The following HK3 variants were observed in gnomAD, a reference collection of about 807,000 sequenced individuals.
HK3 encodes the protein hexokinase-3.
Under a neutral mutation model 91.0 loss-of-function variants are expected in HK3, and 93 were observed. That is an observed-to-expected ratio of 1.02 (90% CI 0.86 to 1.21). The LOEUF is 1.21. Ranked by LOEUF, HK3 falls within the 50% of genes most tolerant of loss-of-function variation. The pLI is 0.00. For missense variants in HK3, 1,235 were observed against 1,247.4 expected (o/e 0.99, Z 0.15); for synonymous variants, 519 against 516.9 (o/e 1.00, Z -0.06).
At position 176,887,613 on chromosome 5, in the gene HK3, G is replaced by T. The variant is rs376532514; in HGVS notation, c.1438C>A (p.Arg480=). The T allele has an allele frequency of 2.5e-6, 4 of 1,613,738 alleles. No individual in the cohort carries two copies. The highest frequency in any genetic ancestry group is 3.4e-6 in the Non-Finnish European group (4 of 1,179,980). The change falls in exon 11 of 19, where the codon CGG becomes AGG. Residue 480 remains arginine (R), a synonymous_variant. Coordinates refer to ENST00000292432, the MANE Select transcript of HK3 (RefSeq NM_002115.3). This position sits in a 1 kb window ranked among gnomAD's most constrained non-coding sequence, Gnocchi z 4.9. ...GCCAGGGTCTCCTCCAGCAGGCGCC[G>T]GTGGGCAGCCAGACGGGCAGCCACG... ...TAVAARLAAH[R]RLLEETLAPF...
Position 176,882,035 on chromosome 5 carries a change from C to T in HK3, c.2146G>A (p.Gly716Ser), listed in dbSNP as rs1213460443. The T allele has an allele frequency of 6.2e-7, 1 of 1,613,222 alleles. No homozygotes were observed. The highest frequency in any genetic ancestry group is 1.1e-5 in the South Asian group (1 of 91,082). Residue 716 changes from glycine (G) to serine (S), a missense_variant, in exon 16 of 19, where the codon GGC becomes AGC. Around this residue, in one of 3 missense-constraint regions of HK3, gnomAD observed 513 missense variants for 477.4 expected, o/e 1.07. Transcript: ENST00000292432. The stretch of plus-strand genomic sequence containing the variant: ...AGAGAGCCATCGTCCCCAAAGGCGC[C>T]CCACTCCATGTTGATGCACATGCGG... ...SGRMCINMEW[G>S]AFGDDGSLAM...
At position 176,887,727 on chromosome 5, in the gene HK3, C is replaced by A. The variant is rs116172743; in HGVS notation, c.1324G>T (p.Gly442Trp). The change falls in exon 11 of 19, where the codon GGG (glycine) becomes TGG (tryptophan). Residue 442 changes from glycine (G) to tryptophan (W), a missense_variant. Gly to Trp is a radical substitution (Grantham distance 184). Transcript: ENST00000292432. The surrounding 1 kb of genome is among the most constrained non-coding windows in gnomAD (Gnocchi z 4.9). ...TCCGGGGCCAGGAGCATCACTGTCCCCTGCAGGACGCTGCAGAACCTACAG... is the reference window on the plus strand; with the variant it reads ...TCCGGGGCCAGGAGCATCACTGTCCACTGCAGGACGCTGCAGAACCTACAG... ...RHPRFCSVLQGTVMLLAPECD... is the reference protein window; with the variant it reads ...RHPRFCSVLQWTVMLLAPECD... The A allele has an allele frequency of 8.0e-4, 1,290 of 1,610,100 alleles. 14 individuals carry two copies. The African/African-American group carries it at 0.014, about 18-fold the overall frequency.
Position 176,881,844 on chromosome 5 carries a change from A to G in HK3, c.2241T>C (p.Phe747=), listed in dbSNP as rs765086288. The part of the protein sequence containing the change: ...QASINPGKQR[F]EKMISGMYLG... ...GGTACATGCCGCTGATCATCTTTTCAAACCTGCATGAACATGTGTGCACTC... is the reference window on the plus strand; with the variant it reads ...GGTACATGCCGCTGATCATCTTTTCGAACCTGCATGAACATGTGTGCACTC... The change falls in exon 17 of 19, where the codon TTT becomes TTC. Residue 747 remains phenylalanine (F), a synonymous_variant. Coordinates refer to ENST00000292432, the MANE Select transcript of HK3 (RefSeq NM_002115.3). 1.2e-5 allele frequency: 20 copies of G among 1,612,490 alleles called. No homozygotes were observed. The highest frequency in any genetic ancestry group is 5.4e-5 in the African/African-American group (4 of 74,652).
At position 176,890,835 on chromosome 5, in the gene HK3, G is replaced by A. The variant is rs141123858; in HGVS notation, c.521C>T (p.Thr174Met). 6,427 of 1,614,132 alleles carry A rather than the reference G, an allele frequency of 4.0e-3. 14 individuals carry two copies. Among genetic ancestry groups the A allele is most frequent in the Non-Finnish European group, 5.1e-3 (6,022 of 1,180,030 alleles). Residue 174 changes from threonine to methionine, a missense_variant, in exon 5 of 19, where the codon ACG (threonine) becomes ATG (methionine). By Grantham distance (81) the Thr-to-Met change is moderately conservative. Coordinates refer to ENST00000292432, the MANE Select transcript of HK3 (RefSeq NM_002115.3). Reference protein sequence around the residue: ...GFSFSFPCHQTGLDRSTLISW... With the variant: ...GFSFSFPCHQMGLDRSTLISW... ...ACTCCACCTCACCCTGTCCAAGCCC[G>A]TCTGGTGACAAGGGAAAGAGAAGCT...
intron 17 of HK3, 22 bp downstream of exon 17, chr5:176,881,670 A>C: frequency 6.2e-7 from 1 of 1,613,112 alleles, no homozygotes; most frequent in South Asian, 1.1e-5. Flanking sequence ...GAAGTGGGGG[A>C]GGCAATGTAG....
chr5:176,896,201 G>T lies in HK3; in HGVS notation c.-26-16C>A. ...AGGTGGCCACCTATGGGAGAAAAGG[G>T]ACAACCTGGGTCAACCATTTACTCT... On this transcript the variant is annotated splice_polypyrimidine_tract_variant and intron_variant, in intron 1 of 18. Transcript: ENST00000292432. 6.9e-7 allele frequency: 1 copy of T among 1,458,720 alleles called. No homozygotes were observed. Among genetic ancestry groups the T allele is most frequent in the South Asian group, 1.3e-5 (1 of 79,208 alleles). The allele number at this position is 1,458,720 out of a possible 1,614,324, so 90.4% of individuals were successfully genotyped here. A position where few individuals can be genotyped will look rare whatever the true frequency, so the allele number is the denominator to read the frequency against.
rs142705083 is a variant in HK3 at position 176,888,726 on chromosome 5, G to T, written c.1053C>A (p.His351Gln). 3.1e-6 allele frequency: 5 copies of T among 1,614,092 alleles called. No individual in the cohort carries two copies. Among genetic ancestry groups the T allele is most frequent in the Non-Finnish European group, 4.2e-6 (5 of 1,180,046 alleles). ...LLSQGSILLE[H>Q]VAEMEDPSTG... is the part of the protein sequence containing the mutation. ...CGACTCACTCCTCCATCTCAGCCAC[G>T]TGTTCCAGGAGGATGCTGCCTTGGC... The change falls in exon 9 of 19, where the codon CAC becomes CAA. Residue 351 changes from histidine (H) to glutamine (Q), a missense_variant. Transcript: ENST00000292432.
At position 176,887,072 on chromosome 5, in the gene HK3, C is replaced by G. The variant is rs775718838; in HGVS notation, c.1787G>C (p.Gly596Ala). ...CAGTGGGAGGCTCTGCCCGCTCAGGCCCTGCTTCTGCTGGAAGTCCACGAT... is the reference window on the plus strand; with the variant it reads ...CAGTGGGAGGCTCTGCCCGCTCAGGGCCTGCTTCTGCTGGAAGTCCACGAT... ...DCIVDFQQKQ[G>A]LSGQSLPLGF... The change falls in exon 13 of 19, where the codon GGC (glycine) becomes GCC (alanine). Residue 596 changes from glycine (G) to alanine (A), a missense_variant. Gly to Ala is a moderately conservative substitution (Grantham distance 60). Around this residue, in one of 3 missense-constraint regions of HK3, gnomAD observed 513 missense variants for 477.4 expected, o/e 1.07. Coordinates refer to ENST00000292432, the MANE Select transcript of HK3 (RefSeq NM_002115.3). This position sits in a 1 kb window ranked among gnomAD's most constrained non-coding sequence, Gnocchi z 4.9. The G allele has an allele frequency of 2.5e-6, 4 of 1,614,108 alleles. No individual in the cohort carries two copies. In the East Asian group the frequency reaches 8.9e-5, roughly 36 times the overall value.
At chr5:176,892,134 T>C (rs1342668136) in intron 2 of HK3, among the ~76,000 whole-genome samples, 4 of 152,028 alleles carry the variant, frequency 2.6e-5, no homozygotes, top group Non-Finnish European at 5.9e-5. Flanking sequence ...CGCACACACA[T>C]AACCACCCAA....
chr5:176,884,868 G>T lies in HK3; in HGVS notation c.1858-734C>A, dbSNP rs1359719442. The stretch of plus-strand genomic sequence containing the variant: ...CTCAGAGGAGGAGCATGGAGGGTAG[G>T]TCAGGAAATCTTTGGGGCAGAAGAT... On this transcript the variant is annotated intron_variant, in intron 13 of 18. Coordinates refer to ENST00000292432, the MANE Select transcript of HK3 (RefSeq NM_002115.3). The surrounding 1 kb of genome is among the most constrained non-coding windows in gnomAD (Gnocchi z 4.1). Among the ~76,000 whole-genome samples the T allele has an allele frequency of 6.6e-6, 1 of 152,220 alleles. No homozygotes were observed. Among genetic ancestry groups the T allele is most frequent in the Non-Finnish European group, 1.5e-5 (1 of 68,040 alleles).
In HK3 at chr5:176,881,750, T is replaced by G. The variant is rs747149740; in HGVS notation, c.2335A>C (p.Ile779Leu). 6.2e-7 allele frequency: 1 copy of G among 1,614,154 alleles called. No individual in the cohort carries two copies. The highest frequency in any genetic ancestry group is 1.1e-5 in the South Asian group (1 of 91,090). The stretch of plus-strand genomic sequence containing the variant: ...ATGTCCCTGGTCTGAAGGCGCTGGA[T>G]CTGCTGGCCCCGGAAGAGAACGCCA... ...SLGVLFRGQQ[I>L]QRLQTRDIFK... Residue 779 changes from isoleucine to leucine, a missense_variant, in exon 17 of 19, where the codon ATC (isoleucine) becomes CTC (leucine). By Grantham distance (5) the Ile-to-Leu change is conservative. Transcript: ENST00000292432.
Position 176,896,131 on chromosome 5 carries a change from C to A in HK3, c.29G>T (p.Arg10Leu). 1.2e-6 allele frequency: 2 copies of A among 1,612,216 alleles called. No homozygotes were observed. The highest frequency in any genetic ancestry group is 2.2e-5 in the East Asian group (1 of 44,846). Residue 10 changes from arginine (R) to leucine (L), a missense_variant, in exon 2 of 19, where the codon CGG becomes CTG. Physicochemically the swap from Arg to Leu is moderately radical, Grantham distance 102. Around this residue, in one of 3 missense-constraint regions of HK3, gnomAD observed 717 missense variants for 751.6 expected, o/e 0.95. Transcript: ENST00000292432. MDSIGSSGL[R>L]QGEETLSCSE... ...GCAACTCAGGGTTTCTTCCCCCTGC[C>A]GCAACCCTGAAGACCCAATGGAGTC...
intron 15 of HK3, among the ~76,000 whole-genome samples, chr5:176,883,393 T>A (rs1758495767): frequency 6.6e-6 from 1 of 152,170 alleles, no homozygotes; most frequent in Non-Finnish European, 1.5e-5. Context: ...TCATGATGCC[T>A]TGAGACAGGC....
Position 176,887,166 on chromosome 5 carries a change from C to T in HK3, c.1737+35G>A. On this transcript the variant is annotated intron_variant, in intron 12 of 18. Transcript: ENST00000292432. This position sits in a 1 kb window ranked among gnomAD's most constrained non-coding sequence, Gnocchi z 4.9. ...AGGCGTAGGCACTGCTCAGCCCTTC[C>T]CCACCTCTGACATCAAGGTTCAGGC... 5 of 1,614,182 alleles carry T rather than the reference C, an allele frequency of 3.1e-6. No homozygotes were observed. Among genetic ancestry groups the T allele is most frequent in the Non-Finnish European group, 4.2e-6 (5 of 1,180,030 alleles).
chr5:176,897,059 T>A (rs1286444769), intron 1 of HK3, among the ~76,000 whole-genome samples: 1 of 152,126 alleles, frequency 6.6e-6, no homozygotes, highest in Non-Finnish European at 1.5e-5. Flanking sequence ...GCTTTTCATC[T>A]GTGAAATGGG....
chr5:176,881,138 A>T lies in HK3; in HGVS notation c.2707T>A (p.Ser903Thr). 6.2e-7 allele frequency: 1 copy of T among 1,612,972 alleles called. No homozygotes were observed. Among genetic ancestry groups the T allele is most frequent in the Non-Finnish European group, 8.5e-7 (1 of 1,179,888 alleles). Reference protein sequence around the residue: ...VVTFLQSEDGSGKGAALVTAV... With the variant: ...VVTFLQSEDGTGKGAALVTAV... The stretch of plus-strand genomic sequence containing the variant: ...GTGACCAGGGCCGCACCTTTGCCGG[A>T]CCCATCCTCTGACTGCAGGAACGTG... The change falls in exon 19 of 19, where the codon TCC (serine) becomes ACC (threonine). Residue 903 changes from serine to threonine, a missense_variant. Ser to Thr is a moderately conservative substitution (Grantham distance 58). Around this residue, in one of 3 missense-constraint regions of HK3, gnomAD observed 513 missense variants for 477.4 expected, o/e 1.07. Coordinates refer to ENST00000292432, the MANE Select transcript of HK3 (RefSeq NM_002115.3).
rs200553299 is a variant in HK3, at chr5:176,883,760, C to T, written c.2053+10G>A. 3.1e-5 allele frequency: 49 copies of T among 1,604,286 alleles called. No homozygotes were observed. The highest frequency in any genetic ancestry group is 2.5e-4 in the African/African-American group (19 of 74,816). ...GCAGTAGGGGCATGAAAGGGCAGGGCCCTCCTCACCGACAATGAGGCCTAT... is the reference window on the plus strand; with the variant it reads ...GCAGTAGGGGCATGAAAGGGCAGGGTCCTCCTCACCGACAATGAGGCCTAT... On this transcript the variant is annotated intron_variant, in intron 15 of 18. Coordinates refer to ENST00000292432, the MANE Select transcript of HK3 (RefSeq NM_002115.3).
In HK3 at chr5:176,881,814, C is replaced by T; in HGVS notation, c.2271G>A (p.Gly757=). The change falls in exon 17 of 19, where the codon GGG becomes GGA. Residue 757 remains glycine, a synonymous_variant. Coordinates refer to ENST00000292432, the MANE Select transcript of HK3 (RefSeq NM_002115.3). The stretch of plus-strand genomic sequence containing the variant: ...GTAAAAGGATGTGGCGGACGATCTC[C>T]CCCAGGTACATGCCGCTGATCATCT... ...FEKMISGMYL[G]EIVRHILLHL... The T allele has an allele frequency of 6.2e-7, 1 of 1,614,128 alleles. No homozygotes were observed. The highest frequency in any genetic ancestry group is 8.5e-7 in the Non-Finnish European group (1 of 1,180,032).
rs779528525 is a variant in HK3 at position 176,881,991 on chromosome 5, G to A, written c.2190C>T (p.Arg730=). ...ACGCCTGGTCCACACTTGCATCAAA[G>A]CGGGTGCTGAGCATGGCCAGAGAGC... ...DDGSLAMLST[R]FDASVDQASI... is the part of the protein sequence containing the mutation. The change falls in exon 16 of 19, where the codon CGC becomes CGT. Residue 730 remains arginine (R), a synonymous_variant. Transcript: ENST00000292432. 3.7e-6 allele frequency: 6 copies of A among 1,613,436 alleles called. No homozygotes were observed. The highest frequency in any genetic ancestry group is 5.1e-6 in the Non-Finnish European group (6 of 1,180,032).
Sources: gnomAD v4.1 joint callset for allele counts (sites outside exome capture counted in the v4.1 genomes callset) on GRCh38, gnomAD v4.1.1 for gene constraint, gnomAD v4.1.1 regional missense constraint, Gnocchi (gnomAD v3.1) non-coding constraint, MANE v1.5 for transcripts, NCBI Gene and HGNC (gene_info 2026-07-23, HGNC 2026-07-21) for gene names.